IPO11: variants seen among roughly 807,000 people sequenced by gnomAD.
The protein encoded by IPO11 is importin-11.
A neutral mutation model predicts 143.2 loss-of-function variants in IPO11; 66 were observed. The observed-to-expected ratio is 0.46, with a 90% confidence interval of 0.38 to 0.57. The LOEUF is 0.57. Ranked by LOEUF, IPO11 falls within the 20% of genes least tolerant of loss-of-function variation. The pLI is 0.00. For synonymous variants in IPO11, 385 were observed against 377.8 expected, an observed-to-expected ratio of 1.02 and a Z score of -0.22; for missense variants, 1,026 against 1,141.0, an observed-to-expected ratio of 0.90 and a Z score of 1.45.
At chr5:62,529,528 G>A (rs993665387) in intron 21 of IPO11, among the ~76,000 whole-genome samples, 1 of 151,618 alleles carries the variant, frequency 6.6e-6, no homozygotes, top group African/African-American at 2.4e-5. Context: ...TCTACATTTT[G>A]TGATTCTTTT....
chr5:62,454,041 A>C (rs1745034465), intron 5 of IPO11, among the ~76,000 whole-genome samples: 1 of 152,172 alleles, frequency 6.6e-6, no homozygotes, highest in Non-Finnish European at 1.5e-5. Context: ...AGGCTGAGGC[A>C]GGAGAATGAC....
At chr5:62,482,260 A>C (rs2112221906) in intron 9 of IPO11, among the ~76,000 whole-genome samples, 1 of 152,116 alleles carries the variant, frequency 6.6e-6, no homozygotes, top group Admixed American at 6.5e-5. Context: ...TGATTTTTTG[A>C]AGGGTTTTTT....
In IPO11 at chr5:62,450,644, G is replaced by A. The variant is rs1002273262; in HGVS notation, c.312+645G>A. On this transcript the variant is annotated intron_variant, in intron 4 of 29. Transcript: ENST00000325324. The stretch of plus-strand genomic sequence containing the variant: ...TTAATTTTAATGATTATAATTTTTA[G>A]ATTAACTTCCCCACCATTTAAAAAA... 5.8e-5 allele frequency among the ~76,000 whole-genome samples: 8 copies of A among 137,626 alleles called. No homozygotes were observed. In the East Asian group the frequency reaches 1.3e-3, roughly 22 times the overall value. The allele number at this position is 137,626 out of a possible 152,430, so 90.3% of individuals were successfully genotyped here. A position where few individuals can be genotyped will look rare whatever the true frequency, so the allele number is the denominator to read the frequency against.
At position 62,627,334 on chromosome 5, in the gene IPO11, G is replaced by A. The variant is rs1037498416; in HGVS notation, c.*16G>A. ...AGGATTCTAAGAGCACATGACATGT[G>A]GCTGCCTCCCCTTTCAGAAACAAGC... On this transcript the variant is annotated 3_prime_UTR_variant, in exon 30 of 30. Coordinates refer to ENST00000325324, the MANE Select transcript of IPO11 (RefSeq NM_016338.5). 6.3e-7 allele frequency: 1 copy of A among 1,597,680 alleles called. No individual in the cohort carries two copies.
At chr5:62,524,454 C>G (rs1742304197) in intron 20 of IPO11, among the ~76,000 whole-genome samples, 1 of 152,044 alleles carries the variant, frequency 6.6e-6, no homozygotes, top group Admixed American at 6.5e-5. Context: ...AATTTTAAGT[C>G]TACTGATAAT....
chr5:62,580,628 G>A lies in IPO11; in HGVS notation c.2583-10949G>A, dbSNP rs1488768757. On this transcript the variant is annotated intron_variant, in intron 27 of 29. Transcript: ENST00000325324. ...CCATCCATGCGTGGCAGAGCATTAC[G>A]TTATATTAACATTACAAATTGTGTT... 7 of 1,551,294 alleles carry A rather than the reference G, an allele frequency of 4.5e-6. No individual in the cohort carries two copies. Among genetic ancestry groups the A allele is most frequent in the Admixed American group, 2.0e-5 (1 of 50,966 alleles).
intron 29 of IPO11, among the ~76,000 whole-genome samples, chr5:62,626,195 A>G (rs1219514413): frequency 6.6e-6 from 1 of 151,844 alleles, no homozygotes; most frequent in Admixed American, 6.6e-5. Context: ...ACGCCAGGCT[A>G]ATTTTTGTAT....
intron 1 of IPO11, among the ~76,000 whole-genome samples, chr5:62,431,525 A>G (rs897407956): frequency 2.0e-5 from 3 of 152,076 alleles, no homozygotes; most frequent in African/African-American, 7.2e-5. Flanking sequence ...AAAACAAATC[A>G]GGCATAGAGA....
chr5:62,539,831 A>G (rs1373805888), intron 24 of IPO11, among the ~76,000 whole-genome samples: 1 of 152,216 alleles, frequency 6.6e-6, no homozygotes, highest in Non-Finnish European at 1.5e-5. Flanking sequence ...GTCTTATACA[A>G]TTTCAGCTTC....
intron 20 of IPO11, among the ~76,000 whole-genome samples, chr5:62,518,496 C>G (rs1742101101): frequency 6.6e-6 from 1 of 151,380 alleles, no homozygotes; most frequent in Admixed American, 6.6e-5. Context: ...CACTTGTAAT[C>G]CCAGCTATTT....
chr5:62,495,184 T>C (rs544046568), intron 16 of IPO11, among the ~76,000 whole-genome samples: 129 of 152,374 alleles, frequency 8.5e-4, no homozygotes, highest in African/African-American at 2.9e-3. Context: ...TATTAAATAC[T>C]ATAAGCATGG....
intron 27 of IPO11, among the ~76,000 whole-genome samples, chr5:62,587,346 A>G (rs1488454855): frequency 6.6e-6 from 1 of 152,030 alleles, no homozygotes; most frequent in Admixed American, 6.6e-5. Context: ...TCTTGCCAGT[A>G]TTTTTCAGGG....
chr5:62,418,827 A>G (rs1351206530), intron 1 of IPO11: 2 of 564,242 alleles, frequency 3.5e-6, no homozygotes, highest in Non-Finnish European at 3.0e-6. Flanking sequence ...GGTCATGCAG[A>G]CAACCTAGTC....
chr5:62,491,439 G>A (rs528865191), intron 15 of IPO11, among the ~76,000 whole-genome samples: 1 of 152,132 alleles, frequency 6.6e-6, no homozygotes, highest in East Asian at 1.9e-4. Context: ...GTGCAGTTTA[G>A]TTGTCCTTAA....
chr5:62,438,568 C>T (rs149039894), intron 2 of IPO11, among the ~76,000 whole-genome samples: 99 of 151,848 alleles, frequency 6.5e-4, no homozygotes, highest in African/African-American at 2.4e-3. Flanking sequence ...GCCTGACTGA[C>T]ATGCTGAAAC....
chr5:62,435,094 A>G (rs247487), intron 1 of IPO11, among the ~76,000 whole-genome samples: 24 of 53,302 alleles, frequency 4.5e-4, no homozygotes, highest in Admixed American at 8.6e-4. Flanking sequence ...GTATATATGT[A>G]TATATGTATA....
intron 29 of IPO11, among the ~76,000 whole-genome samples, chr5:62,606,040 A>G (rs1745701652): frequency 6.6e-6 from 1 of 151,684 alleles, no homozygotes; most frequent in Admixed American, 6.6e-5. Flanking sequence ...CTATTTTTTC[A>G]TATTATTACT....
At chr5:62,499,105 C>T (rs910069623) in intron 16 of IPO11, among the ~76,000 whole-genome samples, 1 of 152,154 alleles carries the variant, frequency 6.6e-6, no homozygotes. Context: ...CCAGCATAGA[C>T]ATATAGTCAT....
intron 25 of IPO11, among the ~76,000 whole-genome samples, chr5:62,550,797 A>G (rs1324959289): frequency 6.6e-6 from 1 of 151,950 alleles, no homozygotes; most frequent in Non-Finnish European, 1.5e-5. Flanking sequence ...AATATGTTAA[A>G]CCACTGGTTA....
Sources: gnomAD v4.1 joint callset for allele counts (sites outside exome capture counted in the v4.1 genomes callset) on GRCh38, gnomAD v4.1.1 for gene constraint, MANE v1.5 for transcripts, NCBI Gene and HGNC (gene_info 2026-07-23, HGNC 2026-07-21) for gene names.